Variants in FRAS1 observed in about 807,000 individuals in gnomAD.
The protein encoded by FRAS1 is extracellular matrix organizing protein FRAS1.
Under a neutral mutation model 435.2 loss-of-function variants are expected in FRAS1, and 290 were observed. The observed-to-expected ratio is 0.67, with a 90% confidence interval of 0.61 to 0.73. The LOEUF (loss-of-function observed/expected upper bound fraction) is 0.73, where lower values mean the gene tolerates loss of function less well. Ranked by LOEUF, FRAS1 falls within the 30% of genes least tolerant of loss-of-function variation. FRAS1 has a pLI of 0.00. For missense variants in FRAS1, 4,860 were observed against 5,001.5 expected (o/e 0.97, Z 0.85); for synonymous variants, 1,800 against 1,851.0 (o/e 0.97, Z 0.71).
chr4:78,526,034 A>T (rs17481799), intron 69 of FRAS1, among the ~76,000 whole-genome samples: 21,234 of 152,228 alleles, frequency 0.14, 1,786 homozygotes, highest in Non-Finnish European at 0.2. Context: ...TGCTGCTTCC[A>T]TATGCTCTGG....
In FRAS1 at chr4:78,379,965, G is replaced by C. The variant is rs1731949447; in HGVS notation, c.3532G>C (p.Val1178Leu). The C allele has an allele frequency of 3.7e-6, 6 of 1,613,478 alleles. No homozygotes were observed. The highest frequency in any genetic ancestry group is 2.2e-5 in the East Asian group (1 of 44,876). Residue 1178 changes from valine (V) to leucine (L), a missense_variant, in exon 27 of 74, where the codon GTG becomes CTG. Physicochemically the swap from Val to Leu is conservative, Grantham distance 32. Transcript: ENST00000512123. ...CTGGAAAGATGTGAACGAGAAGAAA[G>C]TGCGTTTTGTGCACAGCAAAGAAAA... The part of the protein sequence containing the change: ...FSWKDVNEKK[V>L]RFVHSKEKLR...
At chr4:78,064,258 C>A (rs1014569072) in intron 1 of FRAS1, among the ~76,000 whole-genome samples, 5 of 150,212 alleles carry the variant, frequency 3.3e-5, no homozygotes, top group Admixed American at 6.6e-5. Context: ...TAAAATCATT[C>A]ATTTATAGAC....
intron 2 of FRAS1, among the ~76,000 whole-genome samples, chr4:78,189,895 C>T (rs763751039): frequency 7.1e-6 from 1 of 141,262 alleles, no homozygotes; most frequent in Non-Finnish European, 1.6e-5. Context: ...TAATTCTACC[C>T]TCCACATCCA....
At chr4:78,276,250 A>G (rs555275363) in intron 9 of FRAS1, among the ~76,000 whole-genome samples, 3 of 152,264 alleles carry the variant, frequency 2.0e-5, no homozygotes, top group South Asian at 2.1e-4. Context: ...CTTCTTTGCC[A>G]TGGATTTGAA....
chr4:78,126,085 G>C (rs1254861593), intron 2 of FRAS1, among the ~76,000 whole-genome samples: 1 of 152,172 alleles, frequency 6.6e-6, no homozygotes, highest in South Asian at 2.1e-4. Context: ...GCATAGAACT[G>C]CCTACTCAAG....
rs552013984 is a variant in FRAS1 at position 78,195,268 on chromosome 4, G to A, written c.109-42242G>A. On this transcript the variant is annotated intron_variant, in intron 2 of 73. Transcript: ENST00000512123. ...TGTCCGTTCTCAGATGTCCAGCTGCGTGCTGGGAGAACCACTGCTCTCCTC... is the reference window on the plus strand; with the variant it reads ...TGTCCGTTCTCAGATGTCCAGCTGCATGCTGGGAGAACCACTGCTCTCCTC... Among the ~76,000 whole-genome samples, 451 of 152,338 alleles carry A rather than the reference G, an allele frequency of 3.0e-3. 1 individual carries two copies. The highest frequency in any genetic ancestry group is 5.1e-3 in the Non-Finnish European group (350 of 68,022).
chr4:78,263,098 G>A lies in FRAS1; in HGVS notation c.604-1927G>A, dbSNP rs1225262969. ...TAGAAGGGCATGTATATGGTGGTCA[G>A]AATGATAGAATTCAGGTGTATGGTA... On this transcript the variant is annotated intron_variant, in intron 6 of 73. Coordinates refer to ENST00000512123, the MANE Select transcript of FRAS1 (RefSeq NM_025074.7). 3.9e-5 allele frequency among the ~76,000 whole-genome samples: 6 copies of A among 152,280 alleles called. No individual in the cohort carries two copies. The East Asian group carries it at 1.2e-3, about 29-fold the overall frequency.
chr4:78,366,558 C>A (rs533865585), intron 22 of FRAS1, among the ~76,000 whole-genome samples: 1 of 152,300 alleles, frequency 6.6e-6, no homozygotes, highest in African/African-American at 2.4e-5. Context: ...AGTGGATGAC[C>A]ATTTCTTAGA....
At chr4:78,196,890 C>T (rs983742664) in intron 2 of FRAS1, among the ~76,000 whole-genome samples, 1 of 152,018 alleles carries the variant, frequency 6.6e-6, no homozygotes, top group Non-Finnish European at 1.5e-5. Context: ...TCCATAAGTG[C>T]CGTTGTTTAT....
chr4:78,249,043 C>CTGATATATATATATATATATATATA (rs1352031337), intron 4 of FRAS1, among the ~76,000 whole-genome samples: 2 of 19,858 alleles, frequency 1.0e-4, no homozygotes, highest in African/African-American at 2.2e-4. Context: ...GTATGAAGAA[C>CTGATATATATATATATATATATATA]TACTGATATA....
chr4:78,180,957 C>T (rs977444661), intron 2 of FRAS1: 2 of 1,610,426 alleles, frequency 1.2e-6, no homozygotes, highest in African/African-American at 1.3e-5. Flanking sequence ...TGGGCGCCCA[C>T]CACGCCCATG....
At chr4:78,508,010 A>G (rs762877402) in intron 62 of FRAS1, among the ~76,000 whole-genome samples, 92 of 152,214 alleles carry the variant, frequency 6.0e-4, no homozygotes, top group Non-Finnish European at 8.7e-4. Context: ...AATACAATTG[A>G]TCTTCTCATT....
At chr4:78,386,990 C>T (rs1431271751) in intron 28 of FRAS1, among the ~76,000 whole-genome samples, 2 of 152,082 alleles carry the variant, frequency 1.3e-5, no homozygotes, top group Non-Finnish European at 2.9e-5. Context: ...AGTCAGTATA[C>T]CACAACATGG....
In FRAS1 at chr4:78,308,282, A is replaced by G. The variant is rs1055197210; in HGVS notation, c.1678+73A>G. ...CAGCATCTCTTGTTGTATTCAAATC[A>G]TAGCACATTACCAATGTTTCTTTTA... On this transcript the variant is annotated intron_variant, in intron 15 of 73. Transcript: ENST00000512123. 2.8e-5 allele frequency: 40 copies of G among 1,425,736 alleles called. No homozygotes were observed. The African/African-American group carries it at 4.5e-4, about 16-fold the overall frequency. 88.3% of individuals were successfully genotyped at this position (1,425,736 alleles called of 1,614,324 possible). A position where few individuals can be genotyped will look rare whatever the true frequency, so the allele number is the denominator to read the frequency against.
chr4:78,110,428 G>A lies in FRAS1; in HGVS notation c.108+44412G>A, dbSNP rs1742642578. Among the ~76,000 whole-genome samples the A allele has an allele frequency of 4.5e-5, 5 of 110,644 alleles. No individual in the cohort carries two copies. The South Asian group carries it at 1.1e-3, about 25-fold the overall frequency. The allele number at this position is 110,644 out of a possible 152,430, so 72.6% of individuals were successfully genotyped here. A position where few individuals can be genotyped will look rare whatever the true frequency, so the allele number is the denominator to read the frequency against. On this transcript the variant is annotated intron_variant, in intron 2 of 73. Transcript: ENST00000512123. Reference sequence around the variant, plus strand: ...ATATAGATCAATGGAACAGAACAGAGCCCTCAGAAATAATGCCGCATGTCT... The same window carrying A: ...ATATAGATCAATGGAACAGAACAGAACCCTCAGAAATAATGCCGCATGTCT...
At chr4:78,101,500 C>G (rs1560521650) in intron 2 of FRAS1, among the ~76,000 whole-genome samples, 2 of 152,114 alleles carry the variant, frequency 1.3e-5, no homozygotes, top group African/African-American at 4.8e-5. Context: ...CCTGCATTTT[C>G]CCCACTTTTT....
intron 31 of FRAS1, 99 bp downstream of exon 31, chr4:78,407,940 A>G (rs1247686993): frequency 6.6e-6 from 7 of 1,067,114 alleles, no homozygotes; most frequent in Non-Finnish European, 9.2e-6. Context: ...AGTTGACAGG[A>G]AATCACATTT....
At chr4:78,231,023 C>T (rs983302178) in intron 2 of FRAS1, among the ~76,000 whole-genome samples, 5 of 152,122 alleles carry the variant, frequency 3.3e-5, no homozygotes, top group East Asian at 1.9e-4. Flanking sequence ...GGCACGAACT[C>T]GGCTCACTGC....
At chr4:78,453,908 A>T (rs752317953) in intron 47 of FRAS1, among the ~76,000 whole-genome samples, 9 of 152,184 alleles carry the variant, frequency 5.9e-5, no homozygotes, top group Non-Finnish European at 1.2e-4. Context: ...ATTTTAGGTT[A>T]TACAGTCTTC....
Sources: allele counts gnomAD v4.1 joint callset (sites outside exome capture counted in the v4.1 genomes callset), GRCh38; gene constraint gnomAD v4.1.1; transcripts MANE v1.5; gene names NCBI Gene and HGNC (gene_info 2026-07-23, HGNC 2026-07-21).